Variants in PDGFD observed in about 807,000 individuals in gnomAD.
PDGFD encodes platelet derived growth factor D.
PDGFD carries 30 observed loss-of-function variants against 44.7 expected under a neutral mutation model. The ratio of observed to expected loss-of-function variants is 0.67; its 90% CI spans 0.50 to 0.91. The LOEUF is 0.91. Ranked by LOEUF, PDGFD falls within the 40% of genes least tolerant of loss-of-function variation. The probability of loss-of-function intolerance (pLI) is 0.00; values close to 1 mark genes in which losing one functional copy is unlikely to be tolerated. For synonymous variants in PDGFD, 173 were observed against 168.4 expected (o/e 1.03, Z -0.21); for missense variants, 445 against 457.8 (o/e 0.97, Z 0.25).
chr11:104,085,437 C>A (rs1444468921), intron 1 of PDGFD, among the ~76,000 whole-genome samples: 2 of 152,076 alleles, frequency 1.3e-5, no homozygotes, highest in Non-Finnish European at 2.9e-5. Flanking sequence ...TATGAATGTA[C>A]CAGTTTGTTT....
intron 1 of PDGFD, among the ~76,000 whole-genome samples, chr11:104,002,210 T>C (rs930601230): frequency 6.6e-6 from 1 of 152,192 alleles, no homozygotes; most frequent in African/African-American, 2.4e-5. Context: ...TGGTGTCTGC[T>C]CATTTTGTCA....
chr11:104,085,387 T>G (rs1289166956), intron 1 of PDGFD, among the ~76,000 whole-genome samples: 1 of 152,194 alleles, frequency 6.6e-6, no homozygotes, highest in Non-Finnish European at 1.5e-5. Flanking sequence ...GCTGGTGGAT[T>G]AATAGTTATT....
intron 1 of PDGFD, among the ~76,000 whole-genome samples, chr11:104,086,446 A>C (rs1861132036): frequency 6.6e-6 from 1 of 152,210 alleles, no homozygotes; most frequent in South Asian, 2.1e-4. Context: ...TCTTATAATC[A>C]ATGATATCTT....
At position 103,927,948 on chromosome 11, in the gene PDGFD, C is replaced by T. The variant is rs185703799; in HGVS notation, c.773-822G>A. Among the ~76,000 whole-genome samples, 544 of 152,322 alleles carry T rather than the reference C, an allele frequency of 3.6e-3. 1 individual carries two copies. Among genetic ancestry groups the T allele is most frequent in the African/African-American group, 0.012 (514 of 41,572 alleles). On this transcript the variant is annotated intron_variant, in intron 5 of 6. Transcript: ENST00000393158. The stretch of plus-strand genomic sequence containing the variant: ...TAATCTTGATTCATCTGAATCTCCC[C>T]CTCTCACATTCTTTTCCTTTAAAGT...
At chr11:103,943,299 G>C (rs1273032892) in intron 5 of PDGFD, among the ~76,000 whole-genome samples, 153 bp downstream of exon 5, 3 of 152,090 alleles carry the variant, frequency 2.0e-5, no homozygotes, top group Non-Finnish European at 4.4e-5. Flanking sequence ...GGGATACTGA[G>C]CCAGCAAGTA....
At chr11:103,913,203 T>C (rs945926397) in intron 6 of PDGFD, among the ~76,000 whole-genome samples, 1 of 152,170 alleles carries the variant, frequency 6.6e-6, no homozygotes, top group African/African-American at 2.4e-5. Context: ...TATACACTCT[T>C]CTCAGCATCA....
intron 1 of PDGFD, chr11:104,036,922 T>G: frequency 1.2e-6 from 2 of 1,614,192 alleles, no homozygotes; most frequent in Non-Finnish European, 1.7e-6. Context: ...CAAGGTCCTC[T>G]GCGAAGCGGA....
chr11:103,970,909 T>G (rs1045440935), intron 3 of PDGFD, among the ~76,000 whole-genome samples: 1 of 152,088 alleles, frequency 6.6e-6, no homozygotes, highest in Non-Finnish European at 1.5e-5. Flanking sequence ...ATGGAAGCAG[T>G]GGAAAAGCCA....
intron 1 of PDGFD, among the ~76,000 whole-genome samples, chr11:104,129,720 G>A (rs372206603): frequency 6.6e-6 from 1 of 152,124 alleles, no homozygotes; most frequent in Non-Finnish European, 1.5e-5. Context: ...GTTAAAAGGA[G>A]ATAACAGGCT....
intron 1 of PDGFD, among the ~76,000 whole-genome samples, chr11:104,099,456 A>G (rs1027619): frequency 0.015 from 2,204 of 151,986 alleles, 64 homozygotes; most frequent in Admixed American, 0.077. Flanking sequence ...CCTGGGCAAC[A>G]TGGTGAAATG....
chr11:104,006,105 C>T (rs956294863), intron 1 of PDGFD, among the ~76,000 whole-genome samples: 1 of 152,184 alleles, frequency 6.6e-6, no homozygotes, highest in African/African-American at 2.4e-5. Context: ...TCACTGTAGG[C>T]ACTATTACTT....
chr11:104,154,723 T>C (rs1862283501), intron 1 of PDGFD, among the ~76,000 whole-genome samples: 1 of 152,128 alleles, frequency 6.6e-6, no homozygotes, highest in African/African-American at 2.4e-5. Context: ...AAAGGAATTA[T>C]AAAAAGGTGG....
At chr11:103,942,129 A>C (rs1858593681) in intron 5 of PDGFD, among the ~76,000 whole-genome samples, 1 of 152,002 alleles carries the variant, frequency 6.6e-6, no homozygotes, top group African/African-American at 2.4e-5. Flanking sequence ...CAAATGTTAT[A>C]AATGGTTGTG....
chr11:104,121,528 T>A (rs764752800), intron 1 of PDGFD, among the ~76,000 whole-genome samples: 2 of 151,918 alleles, frequency 1.3e-5, no homozygotes, highest in Non-Finnish European at 2.9e-5. Context: ...GTCCAACAAT[T>A]TTGTGGAACA....
chr11:104,108,201 A>G (rs1163645685), intron 1 of PDGFD, among the ~76,000 whole-genome samples: 1 of 152,062 alleles, frequency 6.6e-6, no homozygotes, highest in Non-Finnish European at 1.5e-5. Flanking sequence ...GCCAAAATTG[A>G]CAAATGGGAT....
At chr11:104,033,651 A>G (rs1860166209) in intron 1 of PDGFD, among the ~76,000 whole-genome samples, 1 of 152,216 alleles carries the variant, frequency 6.6e-6, no homozygotes, top group African/African-American at 2.4e-5. Context: ...TTCATTTGCT[A>G]TTAAAAAAAA....
At chr11:104,012,495 T>A (rs1366771516) in intron 1 of PDGFD, among the ~76,000 whole-genome samples, 2 of 152,198 alleles carry the variant, frequency 1.3e-5, no homozygotes, top group Non-Finnish European at 2.9e-5. Context: ...AAGCTATTAC[T>A]AAGTCAATGC....
At chr11:104,067,026 G>A (rs530832333) in intron 1 of PDGFD, among the ~76,000 whole-genome samples, 20 of 152,248 alleles carry the variant, frequency 1.3e-4, no homozygotes, top group African/African-American at 4.3e-4. Flanking sequence ...ACTGTTATAC[G>A]AAGATGACCA....
At chr11:104,095,672 C>A (rs1861275140) in intron 1 of PDGFD, among the ~76,000 whole-genome samples, 1 of 152,112 alleles carries the variant, frequency 6.6e-6, no homozygotes, top group South Asian at 2.1e-4. Context: ...AGTATTCTTA[C>A]CATTTTCCTT....
Sources: allele counts gnomAD v4.1 joint callset (sites outside exome capture counted in the v4.1 genomes callset), GRCh38; gene constraint gnomAD v4.1.1; transcripts MANE v1.5; gene names NCBI Gene and HGNC (gene_info 2026-07-23, HGNC 2026-07-21).